COPS7B: variants seen among roughly 807,000 people sequenced by gnomAD.
COPS7B encodes COP9 signalosome subunit 7B, also known as COP9 signalosome complex subunit 7b.
COPS7B carries 9 observed loss-of-function variants against 33.4 expected under a neutral mutation model. That is an observed-to-expected ratio of 0.27 (90% CI 0.16 to 0.47). The LOEUF (loss-of-function observed/expected upper bound fraction) is 0.47. COPS7B is among the 20% of genes least tolerant of loss of function. COPS7B has a pLI of 0.99. For synonymous variants in COPS7B, 119 were observed against 126.3 expected (o/e 0.94, Z 0.39); for missense variants, 242 against 318.2 (o/e 0.76, Z 1.82).
chr2:231,787,688 A>C (rs2049291546), intron 1 of COPS7B, among the ~76,000 whole-genome samples: 1 of 152,160 alleles, frequency 6.6e-6, no homozygotes, highest in Non-Finnish European at 1.5e-5. Context: ...CTTAGTTTGA[A>C]TATATCGCTA....
intron 1 of COPS7B, 104 bp downstream of exon 1, chr2:231,786,642 C>T: frequency 2.4e-6 from 1 of 422,810 alleles, no homozygotes; most frequent in Non-Finnish European, 3.2e-6. Context: ...GCCGTGCCCG[C>T]CCCGCCCCCG....
chr2:231,784,325 G>A (rs2049190621), upstream of COPS7B, among the ~76,000 whole-genome samples: 1 of 151,362 alleles, frequency 6.6e-6, no homozygotes, highest in Admixed American at 6.6e-5. Context: ...AAAAAAAAAA[G>A]GAATAAATTT....
intron 6 of COPS7B, among the ~76,000 whole-genome samples, chr2:231,806,001 G>A (rs1310018051): frequency 6.6e-6 from 1 of 151,930 alleles, no homozygotes; most frequent in East Asian, 1.9e-4. Flanking sequence ...TCTCTCTTCA[G>A]AAAGGCTACA....
chr2:231,799,054 T>A (rs2049665705), intron 6 of COPS7B, 90 bp downstream of exon 6: 1 of 1,204,672 alleles, frequency 8.3e-7, no homozygotes, highest in Admixed American at 2.0e-5. Context: ...CGAATCTTGG[T>A]GTAGATGAAA....
At chr2:231,799,933 C>T (rs942551031) in intron 6 of COPS7B, among the ~76,000 whole-genome samples, 1 of 152,092 alleles carries the variant, frequency 6.6e-6, no homozygotes, top group Non-Finnish European at 1.5e-5. Flanking sequence ...GTAAGACGAG[C>T]GTCTTGTCTC....
chr2:231,786,420 G>A (rs1371360546), upstream of COPS7B: 3 of 985,252 alleles, frequency 3.0e-6, no homozygotes, highest in Non-Finnish European at 3.6e-6. Context: ...CACGGGCGAC[G>A]GGTCGGCGGA....
intron 6 of COPS7B, among the ~76,000 whole-genome samples, chr2:231,806,205 C>T (rs2049889968): frequency 6.6e-6 from 1 of 152,060 alleles, no homozygotes; most frequent in Admixed American, 6.6e-5. Flanking sequence ...CCCTCAAGCT[C>T]ATAATATTCT....
At chr2:231,782,817 T>A, upstream of COPS7B, among the ~76,000 whole-genome samples, 1 of 152,304 alleles carries the variant, frequency 6.6e-6, no homozygotes, top group Admixed American at 6.5e-5. Context: ...TTTTTTTCCA[T>A]GTTAAAAAAG....
intron 6 of COPS7B, among the ~76,000 whole-genome samples, chr2:231,803,732 C>T (rs1413646394): frequency 2.6e-5 from 4 of 152,184 alleles, no homozygotes; most frequent in Non-Finnish European, 5.9e-5. Flanking sequence ...AGCAGAGGGT[C>T]AGCCCTTCTG....
chr2:231,785,562 A>G (rs1438753810), upstream of COPS7B, among the ~76,000 whole-genome samples: 1 of 152,112 alleles, frequency 6.6e-6, no homozygotes, highest in Non-Finnish European at 1.5e-5. Context: ...TTTTATCTTC[A>G]TATAACTTTT....
Position 231,798,403 on chromosome 2 carries a change from C to T in COPS7B, c.531-456C>T, listed in dbSNP as rs1371588763. Reference sequence around the variant, plus strand: ...TCCCAAGTAGCTGGGATTACAGGCACCCGCCACCACACCTGGCTAATTTTT... The same window carrying T: ...TCCCAAGTAGCTGGGATTACAGGCATCCGCCACCACACCTGGCTAATTTTT... On this transcript the variant is annotated intron_variant, in intron 5 of 6. Transcript: ENST00000350033. 2.0e-5 allele frequency among the ~76,000 whole-genome samples: 3 copies of T among 151,494 alleles called. No individual in the cohort carries two copies. In the East Asian group the frequency reaches 5.9e-4, roughly 30 times the overall value.
chr2:231,808,472 T>G lies in COPS7B; in HGVS notation c.*827T>G, dbSNP rs1181172174. 2.1e-6 allele frequency: 1 copy of G among 471,520 alleles called. No homozygotes were observed. The highest frequency in any genetic ancestry group is 4.4e-6 in the Non-Finnish European group (1 of 227,162). 29.2% of individuals were successfully genotyped at this position (471,520 alleles called of 1,614,324 possible). On this transcript the variant is annotated 3_prime_UTR_variant, in exon 7 of 7. Transcript: ENST00000350033. ...GCTAATGCTTGCTCTCCCAAGATCT[T>G]TAACTCCTCCTGGCTGCACCTGGGT... is the stretch of plus-strand genomic sequence containing the variant.
rs1269867287 is a variant in COPS7B at position 231,788,566 on chromosome 2, A to G, written c.-5A>G. 2 of 1,612,688 alleles carry G rather than the reference A, an allele frequency of 1.2e-6. No homozygotes were observed. Among genetic ancestry groups the G allele is most frequent in the African/African-American group, 1.3e-5 (1 of 75,004 alleles). ...TTTCTTTTGGACAGATTTCAAGGCCAGAGAATGGCAGGGGAACAGAAACCC... is the reference window on the plus strand; with the variant it reads ...TTTCTTTTGGACAGATTTCAAGGCCGGAGAATGGCAGGGGAACAGAAACCC... On this transcript the variant is annotated 5_prime_UTR_variant, in exon 2 of 7. Transcript: ENST00000350033.
chr2:231,791,617 T>C, intron 2 of COPS7B, 116 bp from the exon 3 acceptor site: 1 of 800,442 alleles, frequency 1.2e-6, no homozygotes, highest in Non-Finnish European at 2.1e-6. Flanking sequence ...AGTAATCAAA[T>C]AGTACAGAAT....
upstream of COPS7B, among the ~76,000 whole-genome samples, chr2:231,782,959 ATTACATCC>A (rs2049164172): frequency 6.6e-6 from 1 of 152,186 alleles, no homozygotes; most frequent in Non-Finnish European, 1.5e-5. Context: ...CCCAATCAGT[ATTACATCC>A]TTACATATTG....
chr2:231,808,627 AACT>A lies in COPS7B; in HGVS notation c.*984_*986del, dbSNP rs2049963446. On this transcript the variant is annotated 3_prime_UTR_variant, in exon 7 of 7. Transcript: ENST00000350033. Reference sequence around the variant, plus strand: ...TTCTCCTGGCAAGAGAAAAAGACTTAACTAGACTTCTGAACTTGAACAGTTTCA... The same window carrying A: ...TTCTCCTGGCAAGAGAAAAAGACTTAAGACTTCTGAACTTGAACAGTTTCA... 1 of 426,218 alleles carries A rather than the reference AACT, an allele frequency of 2.3e-6. No individual in the cohort carries two copies. Among genetic ancestry groups the A allele is most frequent in the Non-Finnish European group, 4.8e-6 (1 of 210,328 alleles). 26.4% of individuals were successfully genotyped at this position (426,218 alleles called of 1,614,324 possible).
chr2:231,802,359 A>C (rs1203691114), intron 6 of COPS7B, among the ~76,000 whole-genome samples: 1 of 152,180 alleles, frequency 6.6e-6, no homozygotes, highest in Non-Finnish European at 1.5e-5. Flanking sequence ...CCAGTTGTGC[A>C]CTGTGTTTCC....
At chr2:231,806,261 G>C (rs1389954264) in intron 6 of COPS7B, among the ~76,000 whole-genome samples, 2 of 152,104 alleles carry the variant, frequency 1.3e-5, no homozygotes, top group Non-Finnish European at 1.5e-5. Context: ...TCACTATGTA[G>C]AAAACTGGCT....
At chr2:231,799,473 T>G (rs2049679248) in intron 6 of COPS7B, among the ~76,000 whole-genome samples, 1 of 152,220 alleles carries the variant, frequency 6.6e-6, no homozygotes, top group South Asian at 2.1e-4. Flanking sequence ...CATGACATGT[T>G]TCATACGGAA....
Sources: gnomAD v4.1 joint callset for allele counts (sites outside exome capture counted in the v4.1 genomes callset) on GRCh38, gnomAD v4.1.1 for gene constraint, MANE v1.5 for transcripts, NCBI Gene and HGNC (gene_info 2026-07-23, HGNC 2026-07-21) for gene names.